The following DNM2 variants were observed in gnomAD, a reference collection of about 807,000 sequenced individuals.
DNM2 encodes the protein dynamin 2.
Under a neutral mutation model 99.0 loss-of-function variants are expected in DNM2, and 15 were observed. That is an observed-to-expected ratio of 0.15 (90% CI 0.10 to 0.23). DNM2 has a LOEUF of 0.23. Ranked by LOEUF, DNM2 falls within the 10% of genes least tolerant of loss-of-function variation. The pLI is 1.00. For synonymous variants in DNM2, 525 were observed against 481.2 expected (o/e 1.09, Z -1.19); for missense variants, 742 against 1,189.4 (o/e 0.62, Z 5.53).
chr19:10,811,657 G>A lies in DNM2; in HGVS notation c.1558-607G>A, dbSNP rs1490615783. 31 of 505,598 alleles carry A rather than the reference G, an allele frequency of 6.1e-5. No homozygotes were observed. The highest frequency in any genetic ancestry group is 5.9e-4 in the Admixed American group (29 of 49,502). The allele number at this position is 505,598 out of a possible 1,614,324, so 31.3% of individuals were successfully genotyped here. The stretch of plus-strand genomic sequence containing the variant: ...GAGCACAGCCCCCAGGCTGCCTGCC[G>A]TTAGTTGTCAGGTGAGTCCCTGCGC... On this transcript the variant is annotated intron_variant, in intron 14 of 20. Transcript: ENST00000389253. The surrounding 1 kb of genome is among the most constrained non-coding windows in gnomAD (Gnocchi z 5.4).
rs2070773412 is a variant in DNM2, at chr19:10,765,602, G to C, written c.235+5791G>C. On this transcript the variant is annotated intron_variant, in intron 2 of 20. Transcript: ENST00000389253. The surrounding 1 kb of genome is among the most constrained non-coding windows in gnomAD (Gnocchi z 4.4). ...AGTGGCAATTTGTCCTGGACTGGGA[G>C]ATATTTGCGTATTGCCTCGGATTAG... is the stretch of plus-strand genomic sequence containing the variant. Among the ~76,000 whole-genome samples, 1 of 152,240 alleles carries C rather than the reference G, an allele frequency of 6.6e-6. No individual in the cohort carries two copies. The highest frequency in any genetic ancestry group is 2.1e-4 in the South Asian group (1 of 4,832).
chr19:10,743,759 G>A (rs188527368), intron 1 of DNM2, among the ~76,000 whole-genome samples: 4,492 of 133,200 alleles, frequency 0.034, 75 homozygotes, highest in South Asian at 0.1. Context: ...GCAGTGAGCC[G>A]AGATTGCGCC....
intron 7 of DNM2, among the ~76,000 whole-genome samples, chr19:10,791,588 G>A (rs907997382): frequency 9.2e-5 from 14 of 152,178 alleles, no homozygotes; most frequent in Admixed American, 2.6e-4. Flanking sequence ...ATTGTGCAGC[G>A]TGGGTTGGGC....
intron 1 of DNM2, among the ~76,000 whole-genome samples, chr19:10,719,906 G>A (rs1272162599): frequency 1.3e-5 from 2 of 152,096 alleles, no homozygotes; most frequent in Admixed American, 1.3e-4. Context: ...AGAGCCTTGG[G>A]GCTTTGCTCC....
intron 1 of DNM2, among the ~76,000 whole-genome samples, chr19:10,757,305 G>A (rs1209871028): frequency 6.6e-6 from 1 of 152,194 alleles, no homozygotes; most frequent in South Asian, 2.1e-4. Flanking sequence ...CAGAAGTGGT[G>A]GGACAGCCCC....
Position 10,796,526 on chromosome 19 carries a change from ACCCCCCGCGTCAACTG to A in DNM2, c.1197-852_1197-837del, listed in dbSNP as rs951555726. 2.6e-5 allele frequency among the ~76,000 whole-genome samples: 4 copies of A among 151,742 alleles called. No individual in the cohort carries two copies. The highest frequency in any genetic ancestry group is 9.7e-5 in the African/African-American group (4 of 41,270). On this transcript the variant is annotated intron_variant, in intron 9 of 20. Transcript: ENST00000389253. The surrounding 1 kb of genome is among the most constrained non-coding windows in gnomAD (Gnocchi z 5.6). Reference sequence around the variant, plus strand: ...GCTGCCTCCTGGGAAGCAGAGAGGGACCCCCCGCGTCAACTGCTGGAGGCTGAGCTCCTTGAAGCTC... The same window carrying A: ...GCTGCCTCCTGGGAAGCAGAGAGGGACTGGAGGCTGAGCTCCTTGAAGCTC...
At chr19:10,718,437 G>T (rs1294857400) in intron 1 of DNM2, 34 bp downstream of exon 1, 2 of 1,388,990 alleles carry the variant, frequency 1.4e-6, no homozygotes, top group Non-Finnish European at 1.9e-6. Flanking sequence ...CGGGCGGGTG[G>T]CGGCCTAGGG....
intron 15 of DNM2, among the ~76,000 whole-genome samples, chr19:10,814,465 A>G (rs2072665580): frequency 6.6e-6 from 1 of 150,788 alleles, no homozygotes; most frequent in Non-Finnish European, 1.5e-5. Flanking sequence ...AGTGTGTCTC[A>G]AAGAAAAAAA....
intron 2 of DNM2, among the ~76,000 whole-genome samples, chr19:10,760,431 G>C (rs2070581967): frequency 1.3e-5 from 2 of 151,836 alleles, no homozygotes; most frequent in African/African-American, 4.8e-5. Flanking sequence ...CATCCTTCAC[G>C]CCCCAGTGCA....
intron 1 of DNM2, among the ~76,000 whole-genome samples, chr19:10,735,145 G>A (rs1040721433): frequency 6.6e-5 from 10 of 152,208 alleles, no homozygotes; most frequent in South Asian, 2.1e-4. Flanking sequence ...CTGGGTTCAC[G>A]CCATTCTCCT....
intron 1 of DNM2, among the ~76,000 whole-genome samples, chr19:10,758,773 C>G (rs1050400797): frequency 3.3e-5 from 5 of 151,970 alleles, no homozygotes; most frequent in African/African-American, 9.7e-5. Flanking sequence ...TCTCAAACTC[C>G]TGACCTCAAG....
At chr19:10,759,489 G>C (rs1378348505) in intron 1 of DNM2, 3 of 566,790 alleles carry the variant, frequency 5.3e-6, no homozygotes, top group Non-Finnish European at 9.6e-6. Context: ...CTGGGAGTAC[G>C]GGGGGTGGGG....
chr19:10,783,766 T>G (rs1470142125), intron 6 of DNM2, among the ~76,000 whole-genome samples: 2 of 151,642 alleles, frequency 1.3e-5, no homozygotes, highest in African/African-American at 4.8e-5. Context: ...AGTGGCATGA[T>G]CTTGGCTCAC....
Position 10,721,672 on chromosome 19 carries a change from G to C in DNM2, c.161+3269G>C, listed in dbSNP as rs183127377. On this transcript the variant is annotated intron_variant, in intron 1 of 20. Transcript: ENST00000389253. Reference sequence around the variant, plus strand: ...AATCCTCCTGCCTCTGCCTCTAAAAGCACTAGGATTACAGGTGTGAGCCAT... The same window carrying C: ...AATCCTCCTGCCTCTGCCTCTAAAACCACTAGGATTACAGGTGTGAGCCAT... Among the ~76,000 whole-genome samples, 556 of 152,208 alleles carry C rather than the reference G, an allele frequency of 3.7e-3. 4 individuals carry two copies. The highest frequency in any genetic ancestry group is 5.4e-3 in the Non-Finnish European group (365 of 68,002).
intron 17 of DNM2, 148 bp from the exon 18 acceptor site, chr19:10,824,909 G>A (rs550135629): frequency 5.4e-4 from 707 of 1,300,754 alleles, no homozygotes; most frequent in Non-Finnish European, 7.4e-4. Context: ...TCTGGCCCAG[G>A]GCAAGCAGGC....
At chr19:10,823,261 C>CTATTT (rs2146177413) in intron 16 of DNM2, 1 of 151,408 alleles carries the variant, frequency 6.6e-6, no homozygotes, top group South Asian at 2.1e-4. Flanking sequence ...TAAAATTAGC[C>CTATTT]AGGTGTGGTG....
intron 1 of DNM2, among the ~76,000 whole-genome samples, chr19:10,758,217 A>T (rs1282487681): frequency 6.6e-6 from 1 of 150,880 alleles, no homozygotes; most frequent in Non-Finnish European, 1.5e-5. Flanking sequence ...AGTCTTTTCC[A>T]TTGTGAAAGA....
At chr19:10,825,584 G>A (rs373018614) in intron 18 of DNM2, among the ~76,000 whole-genome samples, 12 of 151,978 alleles carry the variant, frequency 7.9e-5, no homozygotes, top group Non-Finnish European at 1.6e-4. Flanking sequence ...CAGGGGAATC[G>A]CTTGAACCCA....
At chr19:10,759,468 G>GA (rs1300215980) in intron 1 of DNM2, among the ~76,000 whole-genome samples, 1 of 152,146 alleles carries the variant, frequency 6.6e-6, no homozygotes, top group African/African-American at 2.4e-5. Flanking sequence ...ACATGCCAGG[G>GA]AATGGGCCCC....
Sources: allele counts gnomAD v4.1 joint callset (sites outside exome capture counted in the v4.1 genomes callset), GRCh38; gene constraint gnomAD v4.1.1; non-coding constraint Gnocchi (gnomAD v3.1); transcripts MANE v1.5; gene names NCBI Gene and HGNC (gene_info 2026-07-23, HGNC 2026-07-21).